CEP63: variants seen among roughly 807,000 people sequenced by gnomAD.
CEP63 encodes the protein centrosomal protein of 63 kDa.
A neutral mutation model predicts 89.1 loss-of-function variants in CEP63; 84 were observed. The ratio of observed to expected loss-of-function variants is 0.94; its 90% CI spans 0.79 to 1.13. CEP63 has a LOEUF of 1.13. Among genes scored for constraint, CEP63 ranks in the 50% most tolerant of loss-of-function variants. The pLI is 0.00. For synonymous variants in CEP63, 267 were observed against 272.5 expected, an observed-to-expected ratio of 0.98 and a Z score of 0.20; for missense variants, 838 against 813.3, an observed-to-expected ratio of 1.03 and a Z score of -0.37.
chr3:134,610,268 C>T, the CEP63 span: 1 of 1,613,978 alleles, frequency 6.2e-7, no homozygotes, highest in Non-Finnish European at 8.5e-7. Flanking sequence ...TGCCATCTTC[C>T]CTCCAGGTAC....
chr3:134,756,258 G>A, the CEP63 span, among the ~76,000 whole-genome samples: 10 of 152,212 alleles, frequency 6.6e-5, no homozygotes, highest in South Asian at 6.2e-4. Context: ...GATCATTCCC[G>A]AAGGGACTCC....
downstream of CEP63, among the ~76,000 whole-genome samples, chr3:134,590,825 G>T (rs1958583045): frequency 6.6e-6 from 1 of 152,128 alleles, no homozygotes; most frequent in Non-Finnish European, 1.5e-5. Context: ...AGCTACATCA[G>T]GTAACCACTT....
chr3:134,573,289 C>T (rs13093893), intron 11 of CEP63, among the ~76,000 whole-genome samples: 27,678 of 151,976 alleles, frequency 0.18, 3,285 homozygotes, highest in Non-Finnish European at 0.27. Flanking sequence ...TTTTTGTTGC[C>T]GTTGCTTTTG....
chr3:134,635,190 A>G, the CEP63 span, among the ~76,000 whole-genome samples: 1 of 152,230 alleles, frequency 6.6e-6, no homozygotes, highest in African/African-American at 2.4e-5. Flanking sequence ...AACCTGTGGT[A>G]CATCCATATC....
chr3:134,761,625 G>C, the CEP63 span, among the ~76,000 whole-genome samples: 1 of 152,202 alleles, frequency 6.6e-6, no homozygotes, highest in Non-Finnish European at 1.5e-5. Context: ...TGAGGAGTGA[G>C]AGTGCACTGG....
the CEP63 span, among the ~76,000 whole-genome samples, chr3:134,727,581 G>A: frequency 6.6e-4 from 100 of 152,290 alleles, 2 homozygotes; most frequent in South Asian, 0.019. Context: ...TAAATGTGGA[G>A]GCATGACAGA....
At chr3:134,535,354 G>A (rs1950568327) in intron 5 of CEP63, 1 of 152,108 alleles carries the variant, frequency 6.6e-6, no homozygotes, top group Non-Finnish European at 1.5e-5. Context: ...AGCTTTGTAG[G>A]AGAGCTGGTC....
intron 3 of CEP63, among the ~76,000 whole-genome samples, chr3:134,528,226 C>T (rs1949068386): frequency 6.6e-6 from 1 of 152,146 alleles, no homozygotes; most frequent in South Asian, 2.1e-4. Context: ...TGTGTCTTCC[C>T]TCCATCCACT....
chr3:134,612,542 G>A, the CEP63 span, among the ~76,000 whole-genome samples: 2 of 152,192 alleles, frequency 1.3e-5, no homozygotes, highest in Non-Finnish European at 1.5e-5. Context: ...TAGCAGAGAA[G>A]GACCAGAGGA....
chr3:134,551,940 G>A lies in CEP63; in HGVS notation c.1395G>A (p.Gln465=). Residue 465 remains glutamine, a synonymous_variant, in exon 12 of 15, where the codon CAG becomes CAA. Transcript: ENST00000675561. ...CCCCTTTTCAGGAGATTTTGGATCA[G>A]CTGGAGTCACTCAAATTAGAAAATC... ...KAVEHKEILD[Q]LESLKLENRH... is the part of the protein sequence containing the mutation. The A allele has an allele frequency of 6.2e-7, 1 of 1,608,430 alleles. No individual in the cohort carries two copies. The highest frequency in any genetic ancestry group is 8.5e-7 in the Non-Finnish European group (1 of 1,176,404).
chr3:134,646,153 G>A, the CEP63 span, among the ~76,000 whole-genome samples: 1 of 152,160 alleles, frequency 6.6e-6, no homozygotes, highest in South Asian at 2.1e-4. Flanking sequence ...AGGTCTCTGG[G>A]GGTCTGATTC....
chr3:134,616,370 G>A, the CEP63 span, among the ~76,000 whole-genome samples: 1 of 152,188 alleles, frequency 6.6e-6, no homozygotes, highest in African/African-American at 2.4e-5. Context: ...AAAAAGTAAT[G>A]ATGTCCACCC....
the CEP63 span, among the ~76,000 whole-genome samples, chr3:134,723,427 C>T: frequency 6.6e-6 from 1 of 152,178 alleles, no homozygotes; most frequent in Non-Finnish European, 1.5e-5. Flanking sequence ...ATACGTGTAA[C>T]CAAACTAGGT....
chr3:134,558,443 C>A, intron 13 of CEP63, 96 bp downstream of exon 13: 2 of 859,272 alleles, frequency 2.3e-6, no homozygotes, highest in Non-Finnish European at 3.8e-6. Context: ...ATTAAATCTT[C>A]ATCAAAGGAC....
chr3:134,695,391 C>A, the CEP63 span, among the ~76,000 whole-genome samples: 1 of 152,210 alleles, frequency 6.6e-6, no homozygotes, highest in African/African-American at 2.4e-5. Context: ...TAAGAGGTGG[C>A]AACACTCATC....
the CEP63 span, among the ~76,000 whole-genome samples, chr3:134,601,515 A>G: frequency 3.9e-5 from 6 of 152,372 alleles, no homozygotes; most frequent in African/African-American, 1.4e-4. Flanking sequence ...CTTTAAGCCC[A>G]TAAAATCAGA....
intron 13 of CEP63, 75 bp downstream of exon 13, chr3:134,558,422 G>A: frequency 9.4e-7 from 1 of 1,058,648 alleles, no homozygotes; most frequent in South Asian, 1.4e-5. Flanking sequence ...AATAATTTTT[G>A]ACTTACAGAA....
At chr3:134,611,154 G>A in the CEP63 span, among the ~76,000 whole-genome samples, 1 of 152,236 alleles carries the variant, frequency 6.6e-6, no homozygotes. Flanking sequence ...CTGTCCTGAG[G>A]GGAATGGAAA....
chr3:134,491,212 C>T (rs1937509363), intron 1 of CEP63, among the ~76,000 whole-genome samples: 1 of 152,174 alleles, frequency 6.6e-6, no homozygotes, highest in Admixed American at 6.5e-5. Context: ...TGCCTGTTGT[C>T]CCACAGCCTT....
Sources: allele counts gnomAD v4.1 joint callset (sites outside exome capture counted in the v4.1 genomes callset), GRCh38; gene constraint gnomAD v4.1.1; transcripts MANE v1.5; gene names NCBI Gene and HGNC (gene_info 2026-07-23, HGNC 2026-07-21).